Variants in PFKFB2 observed in about 807,000 individuals in gnomAD.
PFKFB2 encodes 6-phosphofructo-2-kinase/fructose-2,6-bisphosphatase 2.
A neutral mutation model predicts 68.0 loss-of-function variants in PFKFB2; 53 were observed. The observed-to-expected ratio is 0.78, with a 90% CI of 0.63 to 0.98. PFKFB2 has a LOEUF of 0.98. Among genes scored for constraint, PFKFB2 ranks in the 50% least tolerant of loss-of-function variants. The probability of loss-of-function intolerance (pLI) is 0.00; values close to 1 mark genes in which losing one functional copy is unlikely to be tolerated. For missense variants in PFKFB2, 451 were observed against 642.0 expected, an observed-to-expected ratio of 0.70 and a Z score of 3.22; for synonymous variants, 222 against 227.6, an observed-to-expected ratio of 0.98 and a Z score of 0.22.
rs1053802022 is a variant in PFKFB2, at chr1:207,073,570, C to G, written c.*1199C>G. ...CATTTTTTTCCCAAATGTGGAAAAG[C>G]TTGATGATGAATTTAATCTCTCTCA... On this transcript the variant is annotated 3_prime_UTR_variant, in exon 15 of 15. Coordinates refer to ENST00000367080, the MANE Select transcript of PFKFB2 (RefSeq NM_006212.2). 6 of 984,882 alleles carry G rather than the reference C, an allele frequency of 6.1e-6. No homozygotes were observed. The highest frequency in any genetic ancestry group is 7.2e-6 in the Non-Finnish European group (6 of 829,552). 61.0% of individuals were successfully genotyped at this position (984,882 alleles called of 1,614,324 possible).
chr1:207,071,298 C>G, intron 13 of PFKFB2, 48 bp downstream of exon 13: 1 of 1,494,660 alleles, frequency 6.7e-7, no homozygotes, highest in South Asian at 1.1e-5. Context: ...TGAGGAAGGT[C>G]AGAATTTTCT....
chr1:207,078,611 G>T (rs1683689935), downstream of PFKFB2, among the ~76,000 whole-genome samples: 2 of 152,160 alleles, frequency 1.3e-5, no homozygotes, highest in Admixed American at 1.3e-4. Context: ...TTATTGGCAT[G>T]GTCTTTTGGC....
intron 9 of PFKFB2, among the ~76,000 whole-genome samples, 180 bp downstream of exon 9, chr1:207,067,886 T>C (rs957003451): frequency 2.6e-5 from 4 of 152,228 alleles, no homozygotes; most frequent in African/African-American, 9.6e-5. Context: ...AAAGAGTAGA[T>C]AACTTTGACC....
At chr1:207,038,910 T>C (rs572825309) in intron 1 of PFKFB2, among the ~76,000 whole-genome samples, 6 of 152,246 alleles carry the variant, frequency 3.9e-5, no homozygotes, top group Non-Finnish European at 8.8e-5. Flanking sequence ...TCAGAAATGT[T>C]TATTAAATGA....
At chr1:207,078,826 T>C, downstream of PFKFB2, 1 of 742,664 alleles carries the variant, frequency 1.3e-6, no homozygotes, top group South Asian at 1.5e-5. Context: ...TGTTCATGCA[T>C]GTGTATGGAT....
At chr1:207,039,560 G>A (rs970199840) in intron 1 of PFKFB2, among the ~76,000 whole-genome samples, 5 of 152,040 alleles carry the variant, frequency 3.3e-5, no homozygotes, top group African/African-American at 9.7e-5. Context: ...AAATTCTTAC[G>A]AAACCCTTCT....
chr1:207,064,005 C>G (rs908266902), intron 7 of PFKFB2, among the ~76,000 whole-genome samples, 176 bp downstream of exon 7: 1 of 152,074 alleles, frequency 6.6e-6, no homozygotes, highest in African/African-American at 2.4e-5. Context: ...AGAGCCCCAT[C>G]TGGTACTTCT....
chr1:207,070,042 C>T lies in PFKFB2; in HGVS notation c.1093-238C>T, dbSNP rs1558064700. Among the ~76,000 whole-genome samples, 2 of 152,196 alleles carry T rather than the reference C, an allele frequency of 1.3e-5. No homozygotes were observed. Among genetic ancestry groups the T allele is most frequent in the African/African-American group, 4.8e-5 (2 of 41,432 alleles). On this transcript the variant is annotated intron_variant, in intron 11 of 14. Transcript: ENST00000367080. This position sits in a 1 kb window ranked among gnomAD's most constrained non-coding sequence, Gnocchi z 4.2. ...AACACACACACACAGGTTGAACTCA[C>T]ACTTCCTCTTCTTAACCTGTAGTTT...
At position 207,069,545 on chromosome 1, in the gene PFKFB2, A is replaced by T; in HGVS notation, c.1092+17A>T. On this transcript the variant is annotated intron_variant, in intron 11 of 14. Coordinates refer to ENST00000367080, the MANE Select transcript of PFKFB2 (RefSeq NM_006212.2). ...GGTGGGGAGGTAAGACGCCCCTGTC[A>T]TGTAAAGTGACTGCCTAGACCCTTG... 3 of 1,491,930 alleles carry T rather than the reference A, an allele frequency of 2.0e-6. No homozygotes were observed. The highest frequency in any genetic ancestry group is 9.4e-7 in the Non-Finnish European group (1 of 1,068,576). The allele number at this position is 1,491,930 out of a possible 1,614,324, so 92.4% of individuals were successfully genotyped here. A position where few individuals can be genotyped will look rare whatever the true frequency, so the allele number is the denominator to read the frequency against.
intron 2 of PFKFB2, among the ~76,000 whole-genome samples, chr1:207,055,851 A>G (rs1176102673): frequency 6.6e-6 from 1 of 152,198 alleles, no homozygotes; most frequent in African/African-American, 2.4e-5. Context: ...GGACAGAAGC[A>G]GCTGGCTGGA....
At chr1:207,047,527 A>G (rs1682628821) in intron 2 of PFKFB2, 1 of 152,634 alleles carries the variant, frequency 6.6e-6, no homozygotes, top group African/African-American at 2.4e-5. Flanking sequence ...TTAATAAAAA[A>G]GAGACCAAAA....
At position 207,075,236 on chromosome 1, in the gene PFKFB2, T is replaced by A; in HGVS notation, c.*2865T>A. The A allele has an allele frequency of 2.0e-6, 2 of 985,502 alleles. No homozygotes were observed. Among genetic ancestry groups the A allele is most frequent in the African/African-American group, 1.7e-5 (1 of 57,376 alleles). 61.0% of individuals were successfully genotyped at this position (985,502 alleles called of 1,614,324 possible). On this transcript the variant is annotated 3_prime_UTR_variant, in exon 15 of 15. Coordinates refer to ENST00000367080, the MANE Select transcript of PFKFB2 (RefSeq NM_006212.2). ...CATTCTGGCTCTCAGCCTGCTGTTA[T>A]TTCCCCACTCTCACCTGTGCTAGTT...
chr1:207,056,394 A>T (rs1682921733), intron 2 of PFKFB2, among the ~76,000 whole-genome samples: 1 of 150,322 alleles, frequency 6.7e-6, no homozygotes, highest in African/African-American at 2.5e-5. Context: ...CACCTCTTAC[A>T]GGGAGGTACA....
Position 207,073,290 on chromosome 1 carries a change from G to T in PFKFB2, c.*919G>T, listed in dbSNP as rs1683522594. 1 of 985,324 alleles carries T rather than the reference G, an allele frequency of 1.0e-6. No individual in the cohort carries two copies. The highest frequency in any genetic ancestry group is 6.1e-5 in the Admixed American group (1 of 16,264). The allele number at this position is 985,324 out of a possible 1,614,324, so 61.0% of individuals were successfully genotyped here. ...TAGGGTGGGCTCTAGCTCTTGCAGG[G>T]CTCTTAGAGAGCAGTCATGTCTTTT... is the stretch of plus-strand genomic sequence containing the variant. On this transcript the variant is annotated 3_prime_UTR_variant, in exon 15 of 15. Coordinates refer to ENST00000367080, the MANE Select transcript of PFKFB2 (RefSeq NM_006212.2).
chr1:207,061,931 A>C (rs752800613), intron 2 of PFKFB2, 22 bp from the exon 3 acceptor site: 4 of 1,608,782 alleles, frequency 2.5e-6, no homozygotes, highest in Non-Finnish European at 3.4e-6. Context: ...ATTTCGTTTT[A>C]TTTTGTTTCA....
chr1:207,063,482 G>T lies in PFKFB2; in HGVS notation c.450+61G>T. 4 of 1,126,918 alleles carry T rather than the reference G, an allele frequency of 3.5e-6. No homozygotes were observed. The South Asian group carries it at 5.1e-5, about 14-fold the overall frequency. The allele number at this position is 1,126,918 out of a possible 1,614,324, so 69.8% of individuals were successfully genotyped here. On this transcript the variant is annotated intron_variant, in intron 6 of 14. Transcript: ENST00000367080. The surrounding 1 kb of genome is among the most constrained non-coding windows in gnomAD (Gnocchi z 4.1). The stretch of plus-strand genomic sequence containing the variant: ...AGTAGAGGTGGGGAGTCAGGCTACA[G>T]GCATGGATCTCTCACTCTAGTGGGT...
At chr1:207,078,401 C>T (rs188152706), downstream of PFKFB2, among the ~76,000 whole-genome samples, 39 of 152,302 alleles carry the variant, frequency 2.6e-4, no homozygotes, top group Non-Finnish European at 4.3e-4. Flanking sequence ...TTTACTAGGA[C>T]GACCAGGTGA....
At chr1:207,044,796 T>C (rs548469425) in intron 2 of PFKFB2, 1 of 152,648 alleles carries the variant, frequency 6.6e-6, no homozygotes, top group African/African-American at 2.4e-5. Context: ...TTATCAGTGG[T>C]ACTTTGTCTT....
chr1:207,045,654 T>G (rs1310693592), intron 2 of PFKFB2: 2 of 152,154 alleles, frequency 1.3e-5, no homozygotes, highest in Non-Finnish European at 2.9e-5. Flanking sequence ...TCCATTTTTT[T>G]TCCCAAAAAG....
Sources: allele counts gnomAD v4.1 joint callset (sites outside exome capture counted in the v4.1 genomes callset), GRCh38; gene constraint gnomAD v4.1.1; non-coding constraint Gnocchi (gnomAD v3.1); transcripts MANE v1.5; gene names NCBI Gene and HGNC (gene_info 2026-07-23, HGNC 2026-07-21).